The following ENDOU variants were observed in gnomAD, a reference collection of about 807,000 sequenced individuals.
ENDOU encodes the protein endonuclease, poly(U) specific, also known as uridylate-specific endoribonuclease.
A neutral mutation model predicts 54.2 loss-of-function variants in ENDOU; 49 were observed. That is an observed-to-expected ratio of 0.90 (90% CI 0.72 to 1.15). The LOEUF (loss-of-function observed/expected upper bound fraction) is 1.15, where lower values mean the gene tolerates loss of function less well. Ranked by LOEUF, ENDOU falls within the 50% of genes most tolerant of loss-of-function variation. The pLI is 0.00. For missense variants in ENDOU, 458 were observed against 511.4 expected, an observed-to-expected ratio of 0.90 and a Z score of 1.01; for synonymous variants, 172 against 190.5, an observed-to-expected ratio of 0.90 and a Z score of 0.80.
At chr12:47,711,149 T>C (rs1198460076) in intron 9 of ENDOU, among the ~76,000 whole-genome samples, 1 of 152,236 alleles carries the variant, frequency 6.6e-6, no homozygotes, top group Non-Finnish European at 1.5e-5. Flanking sequence ...CTGTTCCTCA[T>C]CTTTCCCAGA....
In ENDOU at chr12:47,710,448, C is replaced by T. The variant is rs563209220; in HGVS notation, c.*354G>A. 1 of 164,468 alleles carries T rather than the reference C, an allele frequency of 6.1e-6. No homozygotes were observed. The highest frequency in any genetic ancestry group is 1.7e-4 in the East Asian group (1 of 5,892). The allele number at this position is 164,468 out of a possible 1,614,324, so 10.2% of individuals were successfully genotyped here. ...AAAGAGGAAAGTGGGCAAACCCCTT[C>T]CCTTTACATTAAAGGGAAGCATGAG... On this transcript the variant is annotated 3_prime_UTR_variant, in exon 10 of 10. Coordinates refer to ENST00000422538, the MANE Select transcript of ENDOU (RefSeq NM_001172439.2).
At position 47,717,007 on chromosome 12, in the gene ENDOU, G is replaced by A. The variant is rs750395745; in HGVS notation, c.434C>T (p.Ser145Phe). ...GGTGTCTGCCCTGTAGATCTTCTCA[G>A]AGATGCTCTGAATCTCCTCTTTTGT... The part of the protein sequence containing the change: ...AITKEEIQSI[S>F]EKIYRADTNK... The change falls in exon 5 of 10, where the codon TCT becomes TTT. Residue 145 changes from serine (S) to phenylalanine (F), a missense_variant. Transcript: ENST00000422538. 3.1e-6 allele frequency: 5 copies of A among 1,614,146 alleles called. No homozygotes were observed. The East Asian group carries it at 8.9e-5, about 29-fold the overall frequency.
intron 4 of ENDOU, 146 bp from the exon 5 acceptor site, chr12:47,717,204 CA>C: frequency 1.4e-6 from 1 of 691,724 alleles, no homozygotes; most frequent in Non-Finnish European, 2.5e-6. Context: ...TAGTGGTGGA[CA>C]GGGGCCCAGA....
intron 7 of ENDOU, among the ~76,000 whole-genome samples, chr12:47,712,998 G>T (rs1270018333): frequency 1.3e-5 from 2 of 152,098 alleles, no homozygotes; most frequent in Non-Finnish European, 2.9e-5. Flanking sequence ...AGGCAAACTT[G>T]CTCCCAGACA....
At chr12:47,713,750 G>T (rs56212589) in intron 6 of ENDOU, among the ~76,000 whole-genome samples, 42,684 of 146,310 alleles carry the variant, frequency 0.29, 7,215 homozygotes, top group Non-Finnish European at 0.37. Context: ...CGGGGGGGGG[G>T]GGTCTTCTAG....
rs536969664 is a variant in ENDOU at position 47,720,807 on chromosome 12, G to A, written c.124C>T (p.Arg42Cys). Residue 42 changes from arginine (R) to cysteine (C), a missense_variant, in exon 2 of 10, where the codon CGC (arginine) becomes TGC (cysteine). Arg to Cys is a radical substitution (Grantham distance 180). Transcript: ENST00000422538. ...CAGTTCCCATGCCAGAGACACCGGC[G>A]GTCACACTGGCAGGCAGCGTCCCGG... ...FNRDAACQCD[R>C]RCLWHGNCCE... is the part of the protein sequence containing the mutation. The A allele has an allele frequency of 1.1e-5, 17 of 1,536,042 alleles. No homozygotes were observed. The highest frequency in any genetic ancestry group is 8.2e-5 in the African/African-American group (6 of 73,140).
chr12:47,711,704 A>T lies in ENDOU; in HGVS notation c.1044T>A (p.Ala348=). The T allele has an allele frequency of 6.2e-7, 1 of 1,614,244 alleles. No individual in the cohort carries two copies. Among genetic ancestry groups the T allele is most frequent in the South Asian group, 1.1e-5 (1 of 91,086 alleles). ...CAAACTCAGGGCTGCTGCCGATGAA[A>T]GCAGAGCCCACTTCCTTATAGTAGC... ...WDGYYKEVGS[A]FIGSSPEFEF... is the part of the protein sequence containing the mutation. The change falls in exon 9 of 10, where the codon GCT becomes GCA. Residue 348 remains alanine (A), a synonymous_variant. Transcript: ENST00000422538.
intron 3 of ENDOU, 38 bp from the exon 4 acceptor site, chr12:47,717,693 T>C: frequency 1.2e-6 from 2 of 1,604,358 alleles, no homozygotes; most frequent in East Asian, 2.2e-5. Context: ...GGCTGACCTC[T>C]AGAGGTCGCT....
Position 47,713,340 on chromosome 12 carries a change from C to T in ENDOU, c.800G>A (p.Trp267Ter), listed in dbSNP as rs145676650. ...ATTGCCTCTTGAATAGAGCCCAAAC[C>T]ACATGTTCTTCAAGTCATCGACAAA... is the stretch of plus-strand genomic sequence containing the variant. ...QEFVDDLKNM[W>*]FGLYSRGNEE... Residue 267 changes from tryptophan (W) to a stop codon, truncating the protein, a stop_gained, in exon 7 of 10, where the codon TGG becomes TAG. Coordinates refer to ENST00000422538, the MANE Select transcript of ENDOU (RefSeq NM_001172439.2). LOFTEE classifies it high-confidence loss of function. 1.4e-4 allele frequency: 224 copies of T among 1,614,106 alleles called. 1 individual carries two copies. In the Middle Eastern group the frequency reaches 1.8e-3, roughly 13 times the overall value.
intron 3 of ENDOU, 133 bp downstream of exon 3, chr12:47,717,996 C>G (rs1013013141): frequency 4.9e-6 from 4 of 819,096 alleles, no homozygotes; most frequent in African/African-American, 1.7e-5. Flanking sequence ...TGCCCAGGTT[C>G]CCAGAATCCA....
rs1565729353 is a variant in ENDOU at position 47,710,695 on chromosome 12, G to C, written c.*107C>G. 3 of 760,952 alleles carry C rather than the reference G, an allele frequency of 3.9e-6. No homozygotes were observed. The highest frequency in any genetic ancestry group is 7.0e-6 in the Non-Finnish European group (3 of 427,098). 47.1% of individuals were successfully genotyped at this position (760,952 alleles called of 1,614,324 possible). A position where few individuals can be genotyped will look rare whatever the true frequency, so the allele number is the denominator to read the frequency against. On this transcript the variant is annotated 3_prime_UTR_variant, in exon 10 of 10. Transcript: ENST00000422538. ...ATTTAGGAATGCTTCTCATTGCTTT[G>C]AGATTTGGTGATCCCTTCCAGTCCT...
rs534690109 is a variant in ENDOU, at chr12:47,718,331, A to G, written c.179-137T>C. The G allele has an allele frequency of 1.5e-4, 99 of 662,382 alleles. No individual in the cohort carries two copies. In the East Asian group the frequency reaches 1.7e-3, roughly 12 times the overall value. 41.0% of individuals were successfully genotyped at this position (662,382 alleles called of 1,614,324 possible). ...AAATTCTGAACAGGGGCTGGGGTCC[A>G]ATGGACAGGCACCAAATAATGATGA... On this transcript the variant is annotated intron_variant, in intron 2 of 9. Coordinates refer to ENST00000422538, the MANE Select transcript of ENDOU (RefSeq NM_001172439.2).
chr12:47,711,381 A>AT (rs778961749), intron 9 of ENDOU, among the ~76,000 whole-genome samples: 2 of 152,204 alleles, frequency 1.3e-5, no homozygotes, highest in Admixed American at 6.5e-5. Flanking sequence ...TATTTCATAT[A>AT]TTAAGGTCCT....
At chr12:47,721,132 C>G (rs1940421087) in intron 1 of ENDOU, among the ~76,000 whole-genome samples, 1 of 152,044 alleles carries the variant, frequency 6.6e-6, no homozygotes, top group Non-Finnish European at 1.5e-5. Flanking sequence ...TGGGTTAGGC[C>G]CATAACATAA....
At chr12:47,724,770 C>G (rs1940533632) in intron 1 of ENDOU, among the ~76,000 whole-genome samples, 1 of 152,176 alleles carries the variant, frequency 6.6e-6, no homozygotes, top group Non-Finnish European at 1.5e-5. Context: ...TGGGCCAGGT[C>G]CCTTCTGTAT....
chr12:47,719,942 T>C (rs182780242), intron 2 of ENDOU: 2 of 152,342 alleles, frequency 1.3e-5, no homozygotes, highest in East Asian at 3.9e-4. Context: ...ATGAGAAGGA[T>C]ACAGACTGGA....
At chr12:47,720,671 A>G (rs1286370586) in intron 2 of ENDOU, 82 bp downstream of exon 2, 10 of 1,464,532 alleles carry the variant, frequency 6.8e-6, no homozygotes, top group Non-Finnish European at 9.1e-6. Context: ...TGAGTCCTGA[A>G]CGCTGCTCTG....
chr12:47,725,358 C>G lies in ENDOU; in HGVS notation c.55+1G>C. 6.2e-7 allele frequency: 1 copy of G among 1,614,174 alleles called. No homozygotes were observed. The highest frequency in any genetic ancestry group is 8.5e-7 in the Non-Finnish European group (1 of 1,180,024). ...CCCATGCCCGCCAGATAGTGACTTA[C>G]CAGCCCAGGCCAGGCCACACAGCAC... On this transcript the variant is annotated splice_donor_variant, in intron 1 of 9. Transcript: ENST00000422538. LOFTEE classifies it high-confidence loss of function.
chr12:47,713,403 A>C lies in ENDOU; in HGVS notation c.752-15T>G. ...GCCATAGCGATCTGCAGAGGAACAC[A>C]AAGGGTTTTGGAGAGGGGAGGCAGG... On this transcript the variant is annotated splice_polypyrimidine_tract_variant and intron_variant, in intron 6 of 9. Coordinates refer to ENST00000422538, the MANE Select transcript of ENDOU (RefSeq NM_001172439.2). 2 of 1,604,964 alleles carry C rather than the reference A, an allele frequency of 1.2e-6. No individual in the cohort carries two copies. The highest frequency in any genetic ancestry group is 1.7e-6 in the Non-Finnish European group (2 of 1,171,770).
Sources: allele counts gnomAD v4.1 joint callset (sites outside exome capture counted in the v4.1 genomes callset), GRCh38; gene constraint gnomAD v4.1.1; transcripts MANE v1.5; gene names NCBI Gene and HGNC (gene_info 2026-07-23, HGNC 2026-07-21).